FAM222B: variants seen among roughly 807,000 people sequenced by gnomAD.
FAM222B encodes family with sequence similarity 222 member B, also known as protein FAM222B.
Under a neutral mutation model 38.0 loss-of-function variants are expected in FAM222B, and 12 were observed. The ratio of observed to expected loss-of-function variants is 0.32; its 90% CI spans 0.20 to 0.51. FAM222B has a LOEUF of 0.51. Among genes scored for constraint, FAM222B ranks in the 20% least tolerant of loss-of-function variants. The probability of loss-of-function intolerance (pLI) is 0.97; values close to 1 mark genes in which losing one functional copy is unlikely to be tolerated. For synonymous variants in FAM222B, 329 were observed against 317.2 expected, an observed-to-expected ratio of 1.04 and a Z score of -0.40; for missense variants, 716 against 754.2, an observed-to-expected ratio of 0.95 and a Z score of 0.59.
At chr17:28,764,664 T>C (rs2151776382) in intron 2 of FAM222B, among the ~76,000 whole-genome samples, 1 of 151,984 alleles carries the variant, frequency 6.6e-6, no homozygotes, top group Admixed American at 6.6e-5. Flanking sequence ...AGAGAATCGC[T>C]TGAACCCAGA....
chr17:28,850,519 C>T (rs1035993227), intron 1 of FAM222B, among the ~76,000 whole-genome samples: 1 of 152,020 alleles, frequency 6.6e-6, no homozygotes, highest in African/African-American at 2.4e-5. Context: ...AGGATGGTCT[C>T]GATCTCCTGA....
At chr17:28,835,395 G>A (rs572974402) in intron 1 of FAM222B, among the ~76,000 whole-genome samples, 2 of 152,114 alleles carry the variant, frequency 1.3e-5, no homozygotes, top group Non-Finnish European at 1.5e-5. Context: ...CCAGCGCCTA[G>A]TACAAGACAT....
intron 1 of FAM222B, among the ~76,000 whole-genome samples, chr17:28,768,776 C>T: frequency 7.1e-6 from 1 of 140,698 alleles, no homozygotes; most frequent in East Asian, 2.1e-4. Context: ...GCAGAGGTTG[C>T]AGTGAGCAGA....
chr17:28,789,427 G>A (rs939512228), intron 1 of FAM222B, among the ~76,000 whole-genome samples: 1 of 152,098 alleles, frequency 6.6e-6, no homozygotes, highest in Non-Finnish European at 1.5e-5. Context: ...TTGAACTCCT[G>A]AACGATCCAC....
At chr17:28,819,124 AG>A (rs2038129957) in intron 1 of FAM222B, among the ~76,000 whole-genome samples, 1 of 152,262 alleles carries the variant, frequency 6.6e-6, no homozygotes, top group Non-Finnish European at 1.5e-5. Flanking sequence ...ATCTTTGGAA[AG>A]GAAGAGACAA....
At chr17:28,813,619 C>T (rs1488852280) in intron 1 of FAM222B, among the ~76,000 whole-genome samples, 3 of 151,812 alleles carry the variant, frequency 2.0e-5, no homozygotes, top group African/African-American at 7.3e-5. Flanking sequence ...CTCCGCCTCC[C>T]AGGTTCATGC....
intron 1 of FAM222B, among the ~76,000 whole-genome samples, chr17:28,809,550 T>C (rs1181679639): frequency 6.6e-6 from 1 of 152,224 alleles, no homozygotes; most frequent in Non-Finnish European, 1.5e-5. Context: ...TAAATGATAT[T>C]TGAACATCAG....
At chr17:28,792,982 T>G (rs2036773403) in intron 1 of FAM222B, among the ~76,000 whole-genome samples, 1 of 151,948 alleles carries the variant, frequency 6.6e-6, no homozygotes, top group Non-Finnish European at 1.5e-5. Flanking sequence ...AGTGCAGTAG[T>G]GTGACCACAA....
chr17:28,784,357 T>A (rs374316829), intron 1 of FAM222B, among the ~76,000 whole-genome samples: 2 of 151,118 alleles, frequency 1.3e-5, no homozygotes, highest in South Asian at 4.2e-4. Flanking sequence ...AAACTTATAG[T>A]CCCAACGACT....
At chr17:28,760,624 C>G (rs1045429277) in intron 2 of FAM222B, among the ~76,000 whole-genome samples, 1 of 151,908 alleles carries the variant, frequency 6.6e-6, no homozygotes, top group African/African-American at 2.4e-5. Context: ...GTCTGGAACT[C>G]TACCAGCCCA....
chr17:28,841,668 C>T (rs1288406957), intron 1 of FAM222B, among the ~76,000 whole-genome samples: 3 of 152,188 alleles, frequency 2.0e-5, no homozygotes, highest in Admixed American at 2.0e-4. Context: ...GCCACTGCAC[C>T]CGGCCTTTTC....
Position 28,759,083 on chromosome 17 carries a change from G to A in FAM222B, c.876C>T (p.Ile292=), listed in dbSNP as rs752151929. The A allele has an allele frequency of 8.1e-6, 13 of 1,611,516 alleles. No individual in the cohort carries two copies. In the African/African-American group the frequency reaches 9.3e-5, roughly 12 times the overall value. Residue 292 remains isoleucine (I), a synonymous_variant, in exon 3 of 3, where the codon ATC becomes ATT. Transcript: ENST00000581407. This position sits in a 1 kb window ranked among gnomAD's most constrained non-coding sequence, Gnocchi z 4.8. ...TGCGACTAATGGGGCTGGGGTTGGC[G>A]ATCTGGCCCTCACACACTGAGGTAG... The part of the protein sequence containing the change: ...ISTTSVCEGQ[I]ANPSPISRSL...
chr17:28,814,308 G>A (rs1407018966), intron 1 of FAM222B, among the ~76,000 whole-genome samples: 1 of 151,988 alleles, frequency 6.6e-6, no homozygotes, highest in Non-Finnish European at 1.5e-5. Context: ...CTACAACACT[G>A]CTTAATCCCC....
At chr17:28,814,178 C>CAA (rs775435641) in intron 1 of FAM222B, among the ~76,000 whole-genome samples, 1 of 101,294 alleles carries the variant, frequency 9.9e-6, no homozygotes, top group Non-Finnish European at 2.1e-5. Flanking sequence ...ACTCTAACTC[C>CAA]AAAAAAAAAA....
rs1047803951 is a variant in FAM222B at position 28,809,535 on chromosome 17, C to A, written c.-41+33147G>T. On this transcript the variant is annotated intron_variant, in intron 1 of 2. Coordinates refer to ENST00000581407, the MANE Select transcript of FAM222B (RefSeq NM_001077498.3). The stretch of plus-strand genomic sequence containing the variant: ...ATGACCAAATTCCAGGATTTCCATG[C>A]CCCTTAAATGATATTTGAACATCAG... 3.9e-5 allele frequency among the ~76,000 whole-genome samples: 6 copies of A among 152,264 alleles called. No individual in the cohort carries two copies. The East Asian group carries it at 1.2e-3, about 29-fold the overall frequency.
At chr17:28,794,091 G>A (rs2036827287) in intron 1 of FAM222B, among the ~76,000 whole-genome samples, 1 of 151,940 alleles carries the variant, frequency 6.6e-6, no homozygotes, top group African/African-American at 2.4e-5. Context: ...GATATCCAAG[G>A]AAACTGATAC....
At position 28,770,352 on chromosome 17, in the gene FAM222B, C is replaced by A. The variant is rs113353829; in HGVS notation, c.-40-3645G>T. Among the ~76,000 whole-genome samples the A allele has an allele frequency of 7.1e-3, 1,089 of 152,320 alleles. 20 individuals are homozygous for A. The highest frequency in any genetic ancestry group is 0.025 in the African/African-American group (1,047 of 41,556). The stretch of plus-strand genomic sequence containing the variant: ...CTATTAATGATGGCAGAGCCCAGGA[C>A]TGAAACCTAGATTTGACTTTTCCCA... On this transcript the variant is annotated intron_variant, in intron 1 of 2. Transcript: ENST00000581407.
chr17:28,818,668 T>C (rs979408522), intron 1 of FAM222B, among the ~76,000 whole-genome samples: 1 of 152,182 alleles, frequency 6.6e-6, no homozygotes, highest in African/African-American at 2.4e-5. Flanking sequence ...TTGTATGGTA[T>C]ATTTTTCCCT....
chr17:28,833,058 C>T (rs1371302809), intron 1 of FAM222B, among the ~76,000 whole-genome samples: 1 of 148,954 alleles, frequency 6.7e-6, no homozygotes, highest in Non-Finnish European at 1.5e-5. Flanking sequence ...CACGGTGACT[C>T]AGGCCTGTAA....
Sources: gnomAD v4.1 joint callset for allele counts (sites outside exome capture counted in the v4.1 genomes callset) on GRCh38, gnomAD v4.1.1 for gene constraint, Gnocchi (gnomAD v3.1) non-coding constraint, MANE v1.5 for transcripts, NCBI Gene and HGNC (gene_info 2026-07-23, HGNC 2026-07-21) for gene names.